Variants in CEP164 observed in about 807,000 individuals in gnomAD.
CEP164 encodes the protein centrosomal protein 164.
A neutral mutation model predicts 182.7 loss-of-function variants in CEP164; 162 were observed. The ratio of observed to expected loss-of-function variants is 0.89; its 90% CI spans 0.78 to 1.01. The LOEUF (loss-of-function observed/expected upper bound fraction) is 1.01. Among genes scored for constraint, CEP164 ranks in the 50% least tolerant of loss-of-function variants. The probability of loss-of-function intolerance (pLI) is 0.00; values close to 1 mark genes in which losing one functional copy is unlikely to be tolerated. For synonymous variants in CEP164, 661 were observed against 690.0 expected (o/e 0.96, Z 0.66); for missense variants, 1,735 against 1,790.4 (o/e 0.97, Z 0.56).
chr11:117,399,210 A>C lies in CEP164; in HGVS notation c.3501+1897A>C, dbSNP rs939733124. On this transcript the variant is annotated intron_variant, in intron 27 of 32. Coordinates refer to ENST00000278935, the MANE Select transcript of CEP164 (RefSeq NM_014956.5). ...CATGTGTTCTCATTGTTCAACTCCC[A>C]CTTATGAGTGAGAACATGCAGTGTT... Among the ~76,000 whole-genome samples the C allele has an allele frequency of 8.6e-5, 13 of 151,978 alleles. No homozygotes were observed. The East Asian group carries it at 2.3e-3, about 27-fold the overall frequency.
chr11:117,373,674 A>G (rs1447013046), intron 9 of CEP164, 77 bp from the exon 10 acceptor site: 41 of 1,330,838 alleles, frequency 3.1e-5, no homozygotes, highest in Non-Finnish European at 1.5e-5. Context: ...CCATGGCCTG[A>G]ACAGAATTCC....
At chr11:117,365,319 T>A (rs991470592) in intron 8 of CEP164, among the ~76,000 whole-genome samples, 4 of 152,232 alleles carry the variant, frequency 2.6e-5, no homozygotes, top group African/African-American at 9.6e-5. Flanking sequence ...GAGAGTGAAC[T>A]TGTGAATGAG....
intron 23 of CEP164, 85 bp from the exon 24 acceptor site, chr11:117,395,462 G>T: frequency 7.0e-7 from 1 of 1,423,762 alleles, no homozygotes; most frequent in East Asian, 2.4e-5. Flanking sequence ...GTCCTCCTTT[G>T]GCTTCCCTAC....
At chr11:117,341,977 C>G (rs1055999009) in intron 3 of CEP164, among the ~76,000 whole-genome samples, 1 of 152,082 alleles carries the variant, frequency 6.6e-6, no homozygotes, top group African/African-American at 2.4e-5. Flanking sequence ...GGCTGGAGTG[C>G]AATAGCTCGA....
At chr11:117,408,140 G>T in intron 28 of CEP164, 108 bp downstream of exon 28, 1 of 742,220 alleles carries the variant, frequency 1.3e-6, no homozygotes, top group Non-Finnish European at 2.2e-6. Context: ...GGCCTCTAGG[G>T]CCCAGGATTG....
intron 20 of CEP164, among the ~76,000 whole-genome samples, chr11:117,393,997 A>G (rs1290150330): frequency 6.6e-6 from 1 of 152,246 alleles, no homozygotes; most frequent in African/African-American, 2.4e-5. Context: ...GAAATTTGCC[A>G]TATCCCTTCC....
Position 117,397,191 on chromosome 11 carries a change from C to G in CEP164, c.3379C>G (p.Arg1127Gly), listed in dbSNP as rs149001396. Residue 1127 changes from arginine (R) to glycine (G), a missense_variant, in exon 27 of 33, where the codon CGG becomes GGG. Transcript: ENST00000278935. ...LVQQTRSMRR[R>G]QTALKAAQQH... ...GCAGCAGACACGCTCCATGCGGAGG[C>G]GGCAGACAGCTCTGAAAGCTGCCCA... 14 of 1,614,086 alleles carry G rather than the reference C, an allele frequency of 8.7e-6. No homozygotes were observed. In the African/African-American group the frequency reaches 1.5e-4, roughly 17 times the overall value.
At chr11:117,357,003 G>A (rs1487356230) in intron 5 of CEP164, among the ~76,000 whole-genome samples, 1 of 152,138 alleles carries the variant, frequency 6.6e-6, no homozygotes, top group Non-Finnish European at 1.5e-5. Flanking sequence ...TCTAGAGAGA[G>A]GTCCTTCCTA....
chr11:117,376,651 GAA>G (rs1265098347), intron 11 of CEP164, among the ~76,000 whole-genome samples: 1 of 150,100 alleles, frequency 6.7e-6, no homozygotes, highest in Non-Finnish European at 1.5e-5. Context: ...AGCCTTTAGT[GAA>G]ATGTGTGCTA....
upstream of CEP164, among the ~76,000 whole-genome samples, chr11:117,323,479 C>A (rs1221097162): frequency 6.6e-6 from 1 of 151,838 alleles, no homozygotes; most frequent in East Asian, 1.9e-4. Flanking sequence ...ACCACATTTT[C>A]TTTTTCCATT....
At chr11:117,406,138 G>A (rs896898217) in intron 27 of CEP164, among the ~76,000 whole-genome samples, 2 of 152,112 alleles carry the variant, frequency 1.3e-5, no homozygotes, top group Non-Finnish European at 2.9e-5. Context: ...TTCATGCTGT[G>A]GATAAAGACG....
At chr11:117,332,695 G>A (rs926716613) in intron 1 of CEP164, among the ~76,000 whole-genome samples, 4 of 152,208 alleles carry the variant, frequency 2.6e-5, no homozygotes, top group Non-Finnish European at 5.9e-5. Flanking sequence ...AAAATTGGCT[G>A]GGAAGGCTTC....
rs1204391797 is a variant in CEP164, at chr11:117,362,466, C to G, written c.615C>G (p.Asp205Glu). ...GTCTCTTGGGCTCCATATATGAGGA[C>G]AAGACTGCTCTCAGCCTCTTGGGTT... ...TKGLLGSIYEDKTALSLLGLG... is the reference protein window; with the variant it reads ...TKGLLGSIYEEKTALSLLGLG... The change falls in exon 7 of 33, where the codon GAC becomes GAG. Residue 205 changes from aspartate (D) to glutamate (E), a missense_variant. Asp to Glu is a conservative substitution (Grantham distance 45). Coordinates refer to ENST00000278935, the MANE Select transcript of CEP164 (RefSeq NM_014956.5). 1.2e-6 allele frequency: 2 copies of G among 1,613,782 alleles called. No homozygotes were observed. Among genetic ancestry groups the G allele is most frequent in the Non-Finnish European group, 8.5e-7 (1 of 1,179,928 alleles).
At chr11:117,357,423 CTTTTTTTTTT>C (rs4018866) in intron 5 of CEP164, among the ~76,000 whole-genome samples, 3,469 of 121,550 alleles carry the variant, frequency 0.029, 164 homozygotes, top group African/African-American at 0.086. Flanking sequence ...AGTTAATATT[CTTTTTTTTTT>C]TTTTTTTTTT....
rs1176862575 is a variant in CEP164, at chr11:117,332,887, A to C, written c.-97-2718A>C. 2.0e-5 allele frequency among the ~76,000 whole-genome samples: 3 copies of C among 152,310 alleles called. No homozygotes were observed. In the East Asian group the frequency reaches 5.8e-4, roughly 29 times the overall value. On this transcript the variant is annotated intron_variant, in intron 1 of 32. Transcript: ENST00000278935. ...AACTGCTACGTAGTGAACAATGTTG[A>C]GGGTTCTGAGGCCATGTCTAGGGTG...
At chr11:117,354,147 G>A (rs532282685) in intron 5 of CEP164, among the ~76,000 whole-genome samples, 87 of 151,940 alleles carry the variant, frequency 5.7e-4, no homozygotes, top group Admixed American at 3.3e-3. Context: ...CTTCCGAGGA[G>A]CAGGGACTAC....
rs371501105 is a variant in CEP164, at chr11:117,408,850, G to A, written c.3610-40G>A. The stretch of plus-strand genomic sequence containing the variant: ...AGGAAAAAGGAAGGGTAGAAAGCAC[G>A]TGGGAGAGGTGGGTCATAACTGCTG... On this transcript the variant is annotated intron_variant, in intron 28 of 32. Transcript: ENST00000278935. The A allele has an allele frequency of 8.9e-5, 143 of 1,612,184 alleles. 1 individual carries two copies. The South Asian group carries it at 1.4e-3, about 15-fold the overall frequency.
intron 1 of CEP164, among the ~76,000 whole-genome samples, chr11:117,330,038 TTTC>T (rs1464249712): frequency 6.6e-6 from 1 of 151,914 alleles, no homozygotes; most frequent in Non-Finnish European, 1.5e-5. Flanking sequence ...ACCTTATGAT[TTTC>T]TTCTTTTTTG....
rs1182008055 is a variant in CEP164, at chr11:117,344,250, C to T, written c.167C>T (p.Ala56Val). 5 of 1,612,916 alleles carry T rather than the reference C, an allele frequency of 3.1e-6. No individual in the cohort carries two copies. The highest frequency in any genetic ancestry group is 2.2e-5 in the East Asian group (1 of 44,876). Residue 56 changes from alanine to valine, a missense_variant, in exon 4 of 33, where the codon GCC becomes GTC. Ala to Val is a moderately conservative substitution (Grantham distance 64, BLOSUM62 0). Transcript: ENST00000278935. ...LMWLAREGIV[A>V]PLPGEWKPCQ... is the part of the protein sequence containing the mutation. ...TGGCTGGCGCGAGAGGGCATCGTGG[C>T]CCCACTGCCTGGAGAGTGGAAACCA...
Sources: gnomAD v4.1 joint callset for allele counts (sites outside exome capture counted in the v4.1 genomes callset) on GRCh38, gnomAD v4.1.1 for gene constraint, MANE v1.5 for transcripts, NCBI Gene and HGNC (gene_info 2026-07-23, HGNC 2026-07-21) for gene names.